GOLGA3: variants seen among roughly 807,000 people sequenced by gnomAD.
GOLGA3 encodes the protein golgin subfamily A member 3.
A neutral mutation model predicts 169.4 loss-of-function variants in GOLGA3; 75 were observed. That is an observed-to-expected ratio of 0.44 (90% CI 0.37 to 0.54). The LOEUF (loss-of-function observed/expected upper bound fraction) is 0.54, where lower values mean the gene tolerates loss of function less well. Among genes scored for constraint, GOLGA3 ranks in the 20% least tolerant of loss-of-function variants. The pLI is 0.00. For synonymous variants in GOLGA3, 824 were observed against 822.4 expected, an observed-to-expected ratio of 1.00 and a Z score of -0.03; for missense variants, 1,899 against 1,930.0, an observed-to-expected ratio of 0.98 and a Z score of 0.30.
rs772191417 is a variant in GOLGA3 at position 132,808,048 on chromosome 12, T to C, written c.1021A>G (p.Thr341Ala). 17 of 1,602,222 alleles carry C rather than the reference T, an allele frequency of 1.1e-5. No individual in the cohort carries two copies. Among genetic ancestry groups the C allele is most frequent in the Non-Finnish European group, 1.4e-5 (16 of 1,173,278 alleles). ...TCCTGGCCGTTGACCATATAGGGGGTGTCCTGCGTGCCCACTGTCTTCGAC... is the reference window on the plus strand; with the variant it reads ...TCCTGGCCGTTGACCATATAGGGGGCGTCCTGCGTGCCCACTGTCTTCGAC... ...ILSKTVGTQD[T>A]PYMVNGQEIP... The change falls in exon 5 of 24, where the codon ACC becomes GCC. Residue 341 changes from threonine (T) to alanine (A), a missense_variant. Transcript: ENST00000450791.
chr12:132,789,324 G>A lies in GOLGA3; in HGVS notation c.2548-34C>T, dbSNP rs748453136. The A allele has an allele frequency of 1.1e-5, 17 of 1,533,494 alleles. No individual in the cohort carries two copies. The South Asian group carries it at 1.3e-4, about 12-fold the overall frequency. The allele number at this position is 1,533,494 out of a possible 1,614,324, so 95.0% of individuals were successfully genotyped here. On this transcript the variant is annotated intron_variant, in intron 12 of 23. Transcript: ENST00000450791. Reference sequence around the variant, plus strand: ...GACAGAGGCTGTGAGCGGACGCTGGGCGGCGGGGCGTGGGGGGCGTACCTG... The same window carrying A: ...GACAGAGGCTGTGAGCGGACGCTGGACGGCGGGGCGTGGGGGGCGTACCTG...
chr12:132,806,794 G>A (rs1189443051), intron 6 of GOLGA3, among the ~76,000 whole-genome samples: 2 of 152,202 alleles, frequency 1.3e-5, no homozygotes, highest in East Asian at 1.9e-4. Context: ...CCAAGCCAGC[G>A]TGTGCAGCTT....
chr12:132,816,950 T>C, intron 2 of GOLGA3, 138 bp from the exon 3 acceptor site: 1 of 843,116 alleles, frequency 1.2e-6, no homozygotes, highest in Non-Finnish European at 1.8e-6. Context: ...AAGGCTTCAC[T>C]CTGAGAGGAG....
intron 6 of GOLGA3, among the ~76,000 whole-genome samples, chr12:132,806,962 G>A (rs1179453767): frequency 6.6e-6 from 1 of 152,042 alleles, no homozygotes; most frequent in East Asian, 1.9e-4. Flanking sequence ...GAGACGCAGG[G>A]AGAAACACGC....
intron 17 of GOLGA3, 54 bp from the exon 18 acceptor site, chr12:132,780,968 C>T: frequency 7.3e-7 from 1 of 1,361,254 alleles, no homozygotes; most frequent in South Asian, 1.2e-5. Context: ...TACAAACACA[C>T]AAGGCTGCTA....
Position 132,789,369 on chromosome 12 carries a change from CAAA to C in GOLGA3, c.2548-82_2548-80del, listed in dbSNP as rs533767546. On this transcript the variant is annotated intron_variant, in intron 12 of 23. Coordinates refer to ENST00000450791, the MANE Select transcript of GOLGA3 (RefSeq NM_001389683.1). The stretch of plus-strand genomic sequence containing the variant: ...TACCTGGGGGTCAAGCTGGCTTCAA[CAAA>C]AATGTTTACCACTTATCGGGGGCAT... The C allele has an allele frequency of 1.8e-4, 237 of 1,284,484 alleles. No homozygotes were observed. The African/African-American group carries it at 3.2e-3, about 17-fold the overall frequency. The allele number at this position is 1,284,484 out of a possible 1,614,324, so 79.6% of individuals were successfully genotyped here. A position where few individuals can be genotyped will look rare whatever the true frequency, so the allele number is the denominator to read the frequency against.
At chr12:132,799,691 CCTCT>C (rs1179500460) in intron 8 of GOLGA3, among the ~76,000 whole-genome samples, 5 of 151,968 alleles carry the variant, frequency 3.3e-5, no homozygotes, top group Non-Finnish European at 1.5e-5. Context: ...TTTAAAGCTT[CCTCT>C]CTTTTTGTTG....
In GOLGA3 at chr12:132,777,070, G is replaced by T; in HGVS notation, c.3743C>A (p.Ser1248Tyr). The change falls in exon 20 of 24, where the codon TCC (serine) becomes TAC (tyrosine). Residue 1248 changes from serine (S) to tyrosine (Y), a missense_variant. By Grantham distance (144) the Ser-to-Tyr change is moderately radical. Coordinates refer to ENST00000450791, the MANE Select transcript of GOLGA3 (RefSeq NM_001389683.1). The surrounding 1 kb of genome is among the most constrained non-coding windows in gnomAD (Gnocchi z 4.7). ...DDLQIREGKHSQEIAQFQAEL... is the reference protein window; with the variant it reads ...DDLQIREGKHYQEIAQFQAEL... ...TGCTTGGAACTGTGCTATCTCCTGG[G>T]AATGTTTCCCCTCCCGAATCCTAGC... is the stretch of plus-strand genomic sequence containing the variant. 6.3e-7 allele frequency: 1 copy of T among 1,597,312 alleles called. No homozygotes were observed. Among genetic ancestry groups the T allele is most frequent in the South Asian group, 1.1e-5 (1 of 88,516 alleles).
At chr12:132,825,565 T>C (rs144475634) in intron 1 of GOLGA3, 7 of 613,770 alleles carry the variant, frequency 1.1e-5, no homozygotes, top group Non-Finnish European at 2.0e-5. Flanking sequence ...ATTTGAATCC[T>C]GGAGCATCAA....
chr12:132,825,990 G>A (rs1475823556), intron 1 of GOLGA3: 22 of 1,091,722 alleles, frequency 2.0e-5, no homozygotes, highest in Middle Eastern at 2.4e-4. Context: ...CACTACATCC[G>A]CAAGTACAAC....
At position 132,782,368 on chromosome 12, in the gene GOLGA3, C is replaced by A. The variant is rs1458860461; in HGVS notation, c.3393G>T (p.Leu1131=). The A allele has an allele frequency of 6.2e-7, 1 of 1,614,264 alleles. No individual in the cohort carries two copies. The highest frequency in any genetic ancestry group is 8.5e-7 in the Non-Finnish European group (1 of 1,180,046). ...TTTCTAGGATGCTGTTGTGTTCCCG[C>A]AGAGCTGCGTTGGACTGACCGAGGC... ...LTGLGQSNAA[L]REHNSILETA... is the part of the protein sequence containing the mutation. Residue 1131 remains leucine (L), a synonymous_variant, in exon 17 of 24, where the codon CTG becomes CTT. Coordinates refer to ENST00000450791, the MANE Select transcript of GOLGA3 (RefSeq NM_001389683.1).
rs2045339596 is a variant in GOLGA3, at chr12:132,777,878, G to A, written c.3583-73C>T. The A allele has an allele frequency of 6.6e-7, 1 of 1,523,436 alleles. No homozygotes were observed. The highest frequency in any genetic ancestry group is 9.0e-7 in the Non-Finnish European group (1 of 1,116,766). The allele number at this position is 1,523,436 out of a possible 1,614,324, so 94.4% of individuals were successfully genotyped here. ...GCTTTATGACGTGCCGGGCGCAGGG[G>A]GTGAATGCACTCCCGGCCCCGTGCA... On this transcript the variant is annotated intron_variant, in intron 18 of 23. Coordinates refer to ENST00000450791, the MANE Select transcript of GOLGA3 (RefSeq NM_001389683.1). The surrounding 1 kb of genome is among the most constrained non-coding windows in gnomAD (Gnocchi z 4.7).
At chr12:132,781,311 C>T (rs555272621) in intron 17 of GOLGA3, among the ~76,000 whole-genome samples, 1 of 152,246 alleles carries the variant, frequency 6.6e-6, no homozygotes, top group African/African-American at 2.4e-5. Context: ...CCTGTAATCC[C>T]AGCACTTTGG....
Position 132,786,487 on chromosome 12 carries a change from A to G in GOLGA3, c.2975T>C (p.Met992Thr), listed in dbSNP as rs765444254. ...CTCGTAGGCCTTATGTTTGGTCTTC[A>G]TCTCCTTCTGGGCGCTGGTCAAGTC... ...GSDLTSAQKE[M>T]KTKHKAYENA... The change falls in exon 15 of 24, where the codon ATG becomes ACG. Residue 992 changes from methionine to threonine, a missense_variant. Coordinates refer to ENST00000450791, the MANE Select transcript of GOLGA3 (RefSeq NM_001389683.1). The G allele has an allele frequency of 1.2e-6, 2 of 1,613,430 alleles. No homozygotes were observed. Among genetic ancestry groups the G allele is most frequent in the Non-Finnish European group, 1.7e-6 (2 of 1,179,934 alleles).
At chr12:132,775,796 C>G (rs1292695589) in intron 21 of GOLGA3, among the ~76,000 whole-genome samples, 1 of 152,226 alleles carries the variant, frequency 6.6e-6, no homozygotes, top group African/African-American at 2.4e-5. Context: ...CCCTCATTTA[C>G]AAGGGGAACT....
At chr12:132,784,753 ACCC>A (rs552995489) in intron 15 of GOLGA3, among the ~76,000 whole-genome samples, 1 of 142,926 alleles carries the variant, frequency 7.0e-6, no homozygotes, top group Non-Finnish European at 1.5e-5. Flanking sequence ...ACATGCTCAC[ACCC>A]CACGTGTTCA....
rs1555247709 is a variant in GOLGA3, at chr12:132,772,557, A to AAAC, written c.*547_*548insGTT. ...AGACTCTGTCTCAAAAAAAAAAAAA[A>AAAC]AAAAAAAACAAAGATTGGATTATGA... On this transcript the variant is annotated 3_prime_UTR_variant, in exon 24 of 24. Transcript: ENST00000450791. The AAAC allele has an allele frequency of 1.3e-5, 2 of 151,860 alleles. No individual in the cohort carries two copies. Among genetic ancestry groups the AAAC allele is most frequent in the African/African-American group, 4.8e-5 (2 of 41,370 alleles). 9.4% of individuals were successfully genotyped at this position (151,860 alleles called of 1,614,324 possible). A position where few individuals can be genotyped will look rare whatever the true frequency, so the allele number is the denominator to read the frequency against.
At position 132,813,399 on chromosome 12, in the gene GOLGA3, G is replaced by A. The variant is rs1949809187; in HGVS notation, c.427C>T (p.Pro143Ser). The A allele has an allele frequency of 1.9e-6, 3 of 1,610,736 alleles. No homozygotes were observed. The highest frequency in any genetic ancestry group is 2.5e-6 in the Non-Finnish European group (3 of 1,177,722). ...TQLCSTDSPL[P>S]LEKEEQVRLQ... is the part of the protein sequence containing the mutation. Reference sequence around the variant, plus strand: ...CGGACCTGCTCCTCCTTCTCCAGGGGCAGGGGAGAATCTGTAGAGCCTGCA... The same window carrying A: ...CGGACCTGCTCCTCCTTCTCCAGGGACAGGGGAGAATCTGTAGAGCCTGCA... The change falls in exon 4 of 24, where the codon CCC becomes TCC. Residue 143 changes from proline to serine, a missense_variant. Physicochemically the swap from Pro to Ser is moderately conservative, Grantham distance 74. Coordinates refer to ENST00000450791, the MANE Select transcript of GOLGA3 (RefSeq NM_001389683.1).
chr12:132,781,999 G>C (rs1475306768), intron 17 of GOLGA3, among the ~76,000 whole-genome samples: 1 of 152,036 alleles, frequency 6.6e-6, no homozygotes, highest in Non-Finnish European at 1.5e-5. Context: ...CTGAGCACAC[G>C]CAGGGGCTCC....
Sources: gnomAD v4.1 joint callset for allele counts (sites outside exome capture counted in the v4.1 genomes callset) on GRCh38, gnomAD v4.1.1 for gene constraint, Gnocchi (gnomAD v3.1) non-coding constraint, MANE v1.5 for transcripts, NCBI Gene and HGNC (gene_info 2026-07-23, HGNC 2026-07-21) for gene names.